Variants in RGMB observed in about 807,000 individuals in gnomAD.
The protein encoded by RGMB is repulsive guidance molecule BMP co-receptor b, also known as repulsive guidance molecule B.
In RGMB, 16 loss-of-function variants were observed where a neutral mutation model predicts 26.9. That is an observed-to-expected ratio of 0.60 (90% CI 0.40 to 0.90). RGMB has a LOEUF of 0.90. Among genes scored for constraint, RGMB ranks in the 40% least tolerant of loss-of-function variants. The probability of loss-of-function intolerance (pLI) is 0.00; values close to 1 mark genes in which losing one functional copy is unlikely to be tolerated. For synonymous variants in RGMB, 225 were observed against 229.3 expected (o/e 0.98, Z 0.17); for missense variants, 512 against 573.3 (o/e 0.89, Z 1.09).
chr5:98,773,817 G>A lies in RGMB; in HGVS notation c.-254G>A, dbSNP rs1449059084. On this transcript the variant is annotated 5_prime_UTR_variant, in exon 1 of 3. Coordinates refer to ENST00000513185, the MANE Select transcript of RGMB (RefSeq NM_001366508.1). ...TCACGGTCTTTGTGTCTTCTCTTCC[G>A]CCCCTTTCCCTGCCTGCCGCCTCCG... 1.3e-5 allele frequency: 6 copies of A among 461,306 alleles called. No individual in the cohort carries two copies. Among genetic ancestry groups the A allele is most frequent in the Admixed American group, 4.5e-5 (1 of 22,370 alleles). 28.6% of individuals were successfully genotyped at this position (461,306 alleles called of 1,614,324 possible).
intron 2 of RGMB, 82 bp downstream of exon 2, chr5:98,780,170 A>G (rs1283305400): frequency 2.3e-6 from 3 of 1,299,188 alleles, no homozygotes; most frequent in African/African-American, 1.5e-5. Context: ...GAAATGTGCT[A>G]TAAAGGGCCT....
At chr5:98,780,683 G>A (rs979217188) in intron 2 of RGMB, 1 of 152,214 alleles carries the variant, frequency 6.6e-6, no homozygotes, top group Non-Finnish European at 1.5e-5. Flanking sequence ...TAATCTCAGG[G>A]CCTCAGGTTA....
upstream of RGMB, among the ~76,000 whole-genome samples, chr5:98,772,150 A>T (rs189164164): frequency 5.0e-4 from 76 of 152,370 alleles, no homozygotes; most frequent in Middle Eastern, 6.8e-3. Flanking sequence ...TTCTCCAGGC[A>T]ACTGTGAAGC....
At chr5:98,770,468 G>A, upstream of RGMB, 1 of 432,052 alleles carries the variant, frequency 2.3e-6, no homozygotes, top group Non-Finnish European at 4.1e-6. Flanking sequence ...GAGAGCAGCG[G>A]CGGAGCCCGC....
rs1747074154 is a variant in RGMB at position 98,795,094 on chromosome 5, C to G, written c.*1341C>G. The G allele has an allele frequency of 6.6e-6, 1 of 152,162 alleles. No individual in the cohort carries two copies. The highest frequency in any genetic ancestry group is 6.5e-5 in the Admixed American group (1 of 15,286). 9.4% of individuals were successfully genotyped at this position (152,162 alleles called of 1,614,324 possible). The stretch of plus-strand genomic sequence containing the variant: ...GAGAAATTCCTATAAAGTAAGATCT[C>G]CTTGCCTCTTCCATCCATTGTTGGC... On this transcript the variant is annotated 3_prime_UTR_variant, in exon 3 of 3. Transcript: ENST00000513185.
chr5:98,780,073 T>G lies in RGMB; in HGVS notation c.630T>G (p.Ala210=), dbSNP rs755937824. Residue 210 remains alanine, a synonymous_variant, in exon 2 of 3, where the codon GCT becomes GCG. Transcript: ENST00000513185. ...TACCTGTGGTCCCTGGATCCAGTGC[T>G]ACTGCTACAAATAAGGCAAGTATAC... ...TNVPVVPGSS[A]TATNKITIIF... is the part of the protein sequence containing the mutation. 1.2e-6 allele frequency: 2 copies of G among 1,610,876 alleles called. No homozygotes were observed. Among genetic ancestry groups the G allele is most frequent in the Admixed American group, 1.7e-5 (1 of 59,920 alleles).
At chr5:98,770,762 C>A, upstream of RGMB, 1 of 768,548 alleles carries the variant, frequency 1.3e-6, no homozygotes, top group South Asian at 3.5e-5. Flanking sequence ...CCTTTCCTTA[C>A]TGTTCTAACG....
upstream of RGMB, chr5:98,770,621 G>C (rs201794275): frequency 3.9e-5 from 53 of 1,371,892 alleles, no homozygotes; most frequent in African/African-American, 6.3e-4. Context: ...CGAAGTTCAG[G>C]GGCCCCCTGA....
chr5:98,774,865 G>C (rs1306944962), intron 1 of RGMB, among the ~76,000 whole-genome samples: 3 of 152,168 alleles, frequency 2.0e-5, no homozygotes, highest in Non-Finnish European at 4.4e-5. Flanking sequence ...AGATAACCAT[G>C]CTGCCTTCTG....
intron 1 of RGMB, among the ~76,000 whole-genome samples, chr5:98,777,588 C>T (rs1227184512): frequency 6.6e-6 from 1 of 152,192 alleles, no homozygotes; most frequent in Non-Finnish European, 1.5e-5. Context: ...CCAGAACAAG[C>T]CCTTTAATAT....
At chr5:98,788,628 G>A (rs1009972724) in intron 2 of RGMB, among the ~76,000 whole-genome samples, 5 of 152,162 alleles carry the variant, frequency 3.3e-5, no homozygotes, top group African/African-American at 7.2e-5. Context: ...GCCACCCCGC[G>A]TGGACAGAGT....
At position 98,794,379 on chromosome 5, in the gene RGMB, GTA is replaced by G. The variant is rs1229690856; in HGVS notation, c.*628_*629del. 1 of 152,050 alleles carries G rather than the reference GTA, an allele frequency of 6.6e-6. No individual in the cohort carries two copies. The highest frequency in any genetic ancestry group is 6.6e-5 in the Admixed American group (1 of 15,252). 9.4% of individuals were successfully genotyped at this position (152,050 alleles called of 1,614,324 possible). A position where few individuals can be genotyped will look rare whatever the true frequency, so the allele number is the denominator to read the frequency against. On this transcript the variant is annotated 3_prime_UTR_variant, in exon 3 of 3. Coordinates refer to ENST00000513185, the MANE Select transcript of RGMB (RefSeq NM_001366508.1). The stretch of plus-strand genomic sequence containing the variant: ...TTTTTCAGAAGGGGGGGTATTATTG[GTA>G]TTCTGATTACTCTCAATTCTAATTG...
chr5:98,774,841 C>A (rs1746343281), intron 1 of RGMB, among the ~76,000 whole-genome samples: 1 of 152,150 alleles, frequency 6.6e-6, no homozygotes, highest in Admixed American at 6.5e-5. Flanking sequence ...CTTCGGGCTC[C>A]GTGAGGGGTT....
In RGMB at chr5:98,793,401, G is replaced by T. The variant is rs143449818; in HGVS notation, c.962G>T (p.Arg321Leu). 31 of 1,612,990 alleles carry T rather than the reference G, an allele frequency of 1.9e-5. No homozygotes were observed. The highest frequency in any genetic ancestry group is 2.1e-5 in the Non-Finnish European group (25 of 1,179,556). The change falls in exon 3 of 3, where the codon CGC (arginine) becomes CTC (leucine). Residue 321 changes from arginine (R) to leucine (L), a missense_variant. Transcript: ENST00000513185. The part of the protein sequence containing the change: ...LCVNGCPLSE[R>L]IDDGQGQVSA... ...GTGAACGGCTGCCCCCTGAGTGAAC[G>T]CATCGATGACGGGCAGGGCCAGGTG...
At position 98,795,296 on chromosome 5, in the gene RGMB, T is replaced by TA; in HGVS notation, c.*1544dup. 1 of 152,362 alleles carries TA rather than the reference T, an allele frequency of 6.6e-6. No individual in the cohort carries two copies. The highest frequency in any genetic ancestry group is 2.1e-4 in the South Asian group (1 of 4,834). The allele number at this position is 152,362 out of a possible 1,614,324, so 9.4% of individuals were successfully genotyped here. A position where few individuals can be genotyped will look rare whatever the true frequency, so the allele number is the denominator to read the frequency against. On this transcript the variant is annotated 3_prime_UTR_variant, in exon 3 of 3. Coordinates refer to ENST00000513185, the MANE Select transcript of RGMB (RefSeq NM_001366508.1). ...AGTTTACATAAACAGAAATAAAAGA[T>TA]ACTATCTTTACCGTAGTAGTTCAGG... is the stretch of plus-strand genomic sequence containing the variant.
chr5:98,770,324 G>A, upstream of RGMB: 1 of 321,102 alleles, frequency 3.1e-6, no homozygotes, highest in Non-Finnish European at 5.6e-6. Flanking sequence ...CGAGTGGCTG[G>A]CTAATGAGAG....
At chr5:98,777,216 G>T (rs909887169) in intron 1 of RGMB, among the ~76,000 whole-genome samples, 4 of 152,028 alleles carry the variant, frequency 2.6e-5, no homozygotes, top group African/African-American at 4.8e-5. Flanking sequence ...CTGTTCGTTT[G>T]ATATTTTATG....
chr5:98,788,626 G>T (rs967820219), intron 2 of RGMB, among the ~76,000 whole-genome samples: 2 of 152,120 alleles, frequency 1.3e-5, no homozygotes, highest in East Asian at 1.9e-4. Flanking sequence ...TTGCCACCCC[G>T]CGTGGACAGA....
rs1294866996 is a variant in RGMB at position 98,775,773 on chromosome 5, T to TA, written c.136+1567_136+1568insA. Among the ~76,000 whole-genome samples, 3 of 152,260 alleles carry TA rather than the reference T, an allele frequency of 2.0e-5. No homozygotes were observed. The East Asian group carries it at 5.8e-4, about 29-fold the overall frequency. On this transcript the variant is annotated intron_variant, in intron 1 of 2. Transcript: ENST00000513185. ...TTGGAATGTGAAGCTCCCAGTATCT[T>TA]CATGTGTCCTCATTTAAGTCACCAT...
Sources: gnomAD v4.1 joint callset for allele counts (sites outside exome capture counted in the v4.1 genomes callset) on GRCh38, gnomAD v4.1.1 for gene constraint, MANE v1.5 for transcripts, NCBI Gene and HGNC (gene_info 2026-07-23, HGNC 2026-07-21) for gene names.